The following DCHS2 variants were observed in gnomAD, a reference collection of about 807,000 sequenced individuals.
DCHS2 encodes the protein dachsous cadherin-related 2.
DCHS2 carries 142 observed loss-of-function variants against 182.4 expected under a neutral mutation model. The observed-to-expected ratio is 0.78, with a 90% CI of 0.68 to 0.89. The LOEUF (loss-of-function observed/expected upper bound fraction) is 0.89. Among genes scored for constraint, DCHS2 ranks in the 40% least tolerant of loss-of-function variants. DCHS2 has a pLI of 0.00. For synonymous variants in DCHS2, 1,740 were observed against 1,663.3 expected (o/e 1.05, Z -1.12); for missense variants, 4,319 against 4,198.6 (o/e 1.03, Z -0.79).
intron 1 of DCHS2, among the ~76,000 whole-genome samples, chr4:154,403,403 A>G (rs1732272428): frequency 6.6e-6 from 1 of 152,170 alleles, no homozygotes; most frequent in Non-Finnish European, 1.5e-5. Flanking sequence ...GCATTTATTT[A>G]GATGATTATA....
chr4:154,326,398 G>T (rs893905783), intron 7 of DCHS2, among the ~76,000 whole-genome samples: 15 of 152,136 alleles, frequency 9.9e-5, no homozygotes, highest in Non-Finnish European at 2.2e-4. Flanking sequence ...GACTTGAATA[G>T]TCACATTGTA....
At chr4:154,445,450 C>T (rs1221239140) in intron 1 of DCHS2, among the ~76,000 whole-genome samples, 2 of 152,072 alleles carry the variant, frequency 1.3e-5, no homozygotes, top group Non-Finnish European at 2.9e-5. Flanking sequence ...TCTTCTTGCT[C>T]CTCCAAGCAC....
chr4:154,420,890 T>C (rs545488083), intron 1 of DCHS2, among the ~76,000 whole-genome samples: 1 of 152,324 alleles, frequency 6.6e-6, no homozygotes, highest in South Asian at 2.1e-4. Context: ...GCAGGGAAGA[T>C]ACTCTTTTGG....
At chr4:154,392,173 G>C (rs1468615977) in intron 1 of DCHS2, among the ~76,000 whole-genome samples, 2 of 152,164 alleles carry the variant, frequency 1.3e-5, no homozygotes, top group Non-Finnish European at 2.9e-5. Context: ...TGCCCATGAA[G>C]TCCAGAGAGG....
intron 1 of DCHS2, chr4:154,384,398 T>C (rs1354993340): frequency 3.7e-6 from 6 of 1,613,648 alleles, no homozygotes; most frequent in Non-Finnish European, 5.1e-6. Flanking sequence ...TTGCGTTCTC[T>C]TCCTGGCTTC....
chr4:154,385,274 T>C (rs952920734), intron 1 of DCHS2, among the ~76,000 whole-genome samples: 25 of 152,120 alleles, frequency 1.6e-4, no homozygotes, highest in Non-Finnish European at 3.2e-4. Flanking sequence ...TATGGCTGCA[T>C]AGTATTCCAT....
At chr4:154,383,725 T>C (rs1464610006) in intron 1 of DCHS2, among the ~76,000 whole-genome samples, 2 of 152,108 alleles carry the variant, frequency 1.3e-5, no homozygotes, top group African/African-American at 2.4e-5. Flanking sequence ...CAGCCATTTA[T>C]ATCAGCCAGA....
intron 16 of DCHS2, among the ~76,000 whole-genome samples, chr4:154,245,439 C>A (rs1340784389): frequency 6.6e-6 from 1 of 151,990 alleles, no homozygotes; most frequent in Non-Finnish European, 1.5e-5. Context: ...GGCTTTTGAC[C>A]AGGAAGGATC....
intron 1 of DCHS2, among the ~76,000 whole-genome samples, chr4:154,463,399 A>C (rs2111002524): frequency 6.6e-6 from 1 of 152,228 alleles, no homozygotes; most frequent in African/African-American, 2.4e-5. Flanking sequence ...CCGGGACATA[A>C]ATTGCATGAC....
At chr4:154,343,599 C>T in intron 3 of DCHS2, 7 of 1,521,144 alleles carry the variant, frequency 4.6e-6, no homozygotes, top group Non-Finnish European at 6.2e-6. Context: ...CCAACCTCTG[C>T]TAGCTTCAAA....
chr4:154,325,115 A>AT (rs949497523), intron 7 of DCHS2, among the ~76,000 whole-genome samples: 1 of 152,026 alleles, frequency 6.6e-6, no homozygotes, highest in African/African-American at 2.4e-5. Context: ...TATTTTTTCA[A>AT]TTTTTTCCAA....
rs910466612 is a variant in DCHS2, at chr4:154,490,263, C to T, written c.1093G>A (p.Val365Met). ...CGGTCCAGAGGTCTCCACACTCGCA[C>T]CACGCCGCTCAGCTCCTCCACCGCG... The part of the protein sequence containing the change: ...YFAVEELSGV[V>M]RVWRPLDREA... The change falls in exon 1 of 20, where the codon GTG becomes ATG. Residue 365 changes from valine (V) to methionine (M), a missense_variant. By Grantham distance (21) the Val-to-Met change is conservative (BLOSUM62 1). Transcript: ENST00000357232. The T allele has an allele frequency of 3.2e-6, 5 of 1,549,126 alleles. No homozygotes were observed. Among genetic ancestry groups the T allele is most frequent in the African/African-American group, 2.7e-5 (2 of 73,170 alleles).
intron 3 of DCHS2, among the ~76,000 whole-genome samples, chr4:154,341,890 A>C (rs1304011202): frequency 6.6e-6 from 1 of 152,156 alleles, no homozygotes; most frequent in Non-Finnish European, 1.5e-5. Context: ...TATTTCCAGA[A>C]GCCCAAAAGT....
chr4:154,270,657 A>G (rs1204718900), intron 13 of DCHS2, among the ~76,000 whole-genome samples: 1 of 151,636 alleles, frequency 6.6e-6, no homozygotes, highest in Non-Finnish European at 1.5e-5. Context: ...AACAGAGAAG[A>G]GAGGGGTAAG....
At chr4:154,379,130 A>G (rs1731055112) in intron 1 of DCHS2, among the ~76,000 whole-genome samples, 2 of 152,190 alleles carry the variant, frequency 1.3e-5, no homozygotes, top group Non-Finnish European at 2.9e-5. Flanking sequence ...CTTCCCACTA[A>G]TGGACATCAC....
chr4:154,472,416 C>T (rs1377916319), intron 1 of DCHS2, among the ~76,000 whole-genome samples: 1 of 152,190 alleles, frequency 6.6e-6, no homozygotes, highest in African/African-American at 2.4e-5. Flanking sequence ...CCACTGTAAT[C>T]TCAGCTAGCA....
intron 5 of DCHS2, 21 bp from the exon 6 acceptor site, chr4:154,329,731 C>T (rs1736444449): frequency 6.3e-7 from 1 of 1,598,722 alleles, no homozygotes. Flanking sequence ...CAGAGCAGAA[C>T]AAGACACAGG....
chr4:154,349,196 A>T (rs1161382634), intron 3 of DCHS2, among the ~76,000 whole-genome samples: 2 of 150,832 alleles, frequency 1.3e-5, no homozygotes, highest in African/African-American at 5.0e-5. Context: ...GGCTTTATAG[A>T]CAGAAAAGGA....
chr4:154,447,186 G>A (rs1734336717), intron 1 of DCHS2, among the ~76,000 whole-genome samples: 4 of 152,140 alleles, frequency 2.6e-5, no homozygotes. Context: ...CAGCTACTTG[G>A]GAGGCTGAGG....
Sources: gnomAD v4.1 joint callset for allele counts (sites outside exome capture counted in the v4.1 genomes callset) on GRCh38, gnomAD v4.1.1 for gene constraint, MANE v1.5 for transcripts, NCBI Gene and HGNC (gene_info 2026-07-23, HGNC 2026-07-21) for gene names.